CDCP2: variants seen among roughly 807,000 people sequenced by gnomAD.
CDCP2 encodes the protein CUB domain-containing protein 2.
Under a neutral mutation model 31.0 loss-of-function variants are expected in CDCP2, and 31 were observed. The ratio of observed to expected loss-of-function variants is 1.00; its 90% CI spans 0.75 to 1.35. The LOEUF (loss-of-function observed/expected upper bound fraction) is 1.35, where lower values mean the gene tolerates loss of function less well. CDCP2 is among the 40% of genes most tolerant of loss of function. The pLI, the probability that CDCP2 is intolerant of heterozygous loss-of-function variation, is 0.00. For missense variants in CDCP2, 443 were observed against 482.6 expected, an observed-to-expected ratio of 0.92 and a Z score of 0.77; for synonymous variants, 206 against 207.9, an observed-to-expected ratio of 0.99 and a Z score of 0.08.
Position 54,144,727 on chromosome 1 carries a change from AC to A in CDCP2, c.165del (p.Glu55AspfsTer5). 1.2e-6 allele frequency: 2 copies of A among 1,614,204 alleles called. No individual in the cohort carries two copies. The highest frequency in any genetic ancestry group is 2.2e-5 in the South Asian group (2 of 91,084). On this transcript the variant is annotated frameshift_variant, in exon 2 of 6. Coordinates refer to ENST00000530059, the Ensembl canonical transcript of CDCP2. LOFTEE classifies it high-confidence loss of function. The stretch of plus-strand genomic sequence containing the variant: ...TCGGCCACCACGATCAGCCAGCTGC[AC>A]TCTGTGTTGTAGGGGTACAGTCTAG...
At chr1:54,134,288 C>A (rs563323878) in intron 5 of CDCP2, among the ~76,000 whole-genome samples, 1 of 152,180 alleles carries the variant, frequency 6.6e-6, no homozygotes. Context: ...GGTATCCTGC[C>A]GTTGAGCCCC....
At chr1:54,140,941 GCAT>G (rs1482884800) in intron 3 of CDCP2, 154 bp downstream of exon 3, 4 of 546,916 alleles carry the variant, frequency 7.3e-6, no homozygotes, top group Non-Finnish European at 1.2e-5. Context: ...TTATGTCTTG[GCAT>G]AGGCCAAGGG....
At chr1:54,138,683 G>A (rs1472390465) in intron 4 of CDCP2, 3 of 152,204 alleles carry the variant, frequency 2.0e-5, no homozygotes, top group Non-Finnish European at 4.4e-5. Context: ...ATTTGGATGT[G>A]ACCCTGGTCT....
chr1:54,145,040 G>A (rs1321900867), intron 1 of CDCP2, among the ~76,000 whole-genome samples: 1 of 152,146 alleles, frequency 6.6e-6, no homozygotes, highest in Non-Finnish European at 1.5e-5. Flanking sequence ...CTAGGTGCTG[G>A]GGTCACAGCA....
At chr1:54,149,005 A>C (rs184501395) in intron 1 of CDCP2, among the ~76,000 whole-genome samples, 11 of 146,994 alleles carry the variant, frequency 7.5e-5, no homozygotes, top group Admixed American at 4.8e-4. Flanking sequence ...TAATATATTT[A>C]TTTTATATAT....
chr1:54,141,248 C>T, exon 3 of CDCP2: 3 of 1,614,174 alleles, frequency 1.9e-6, no homozygotes, highest in Non-Finnish European at 2.5e-6. Flanking sequence ...CCCCCAAGCA[C>T]AGCCACGTAG....
chr1:54,135,367 C>G (rs890634119), intron 5 of CDCP2, among the ~76,000 whole-genome samples: 1 of 152,142 alleles, frequency 6.6e-6, no homozygotes. Context: ...GCGTATCTTC[C>G]AAAGCAACTC....
At chr1:54,132,708 T>C (rs1659186349), downstream of CDCP2, 2 of 345,814 alleles carry the variant, frequency 5.8e-6, no homozygotes, top group Non-Finnish European at 1.0e-5. Context: ...AGAATATCTT[T>C]AAAATTAATA....
chr1:54,137,240 G>GA lies in CDCP2; in HGVS notation c.1118-433dup, dbSNP rs1177863731. 1.1e-4 allele frequency among the ~76,000 whole-genome samples: 16 copies of GA among 152,250 alleles called. No individual in the cohort carries two copies. In the East Asian group the frequency reaches 2.9e-3, roughly 28 times the overall value. ...TCAGCACCACAAATACAAAAATGAG[G>GA]AAAAAACACAGCTGAAATTCTTGCC... On this transcript the variant is annotated intron_variant, in intron 4 of 5. Coordinates refer to ENST00000530059, the Ensembl canonical transcript of CDCP2.
chr1:54,150,756 A>G (rs1659569160), intron 1 of CDCP2, among the ~76,000 whole-genome samples: 1 of 152,200 alleles, frequency 6.6e-6, no homozygotes, highest in Non-Finnish European at 1.5e-5. Flanking sequence ...CTCCCTGGTT[A>G]CAGAGCCAAT....
chr1:54,139,607 G>T, intron 4 of CDCP2, 146 bp downstream of exon 4: 2 of 1,612,146 alleles, frequency 1.2e-6, no homozygotes, highest in East Asian at 2.2e-5. Flanking sequence ...GTGGGCAAGG[G>T]TGTAGCCAAT....
Position 54,140,481 on chromosome 1 carries a change from C to T in CDCP2, c.764-375G>A, listed in dbSNP as rs188138852. ...GGCCTTTCCCCTTTTCTCACTGCCC[C>T]ATTTGGTATGTACTATGAGCATACC... On this transcript the variant is annotated intron_variant, in intron 3 of 5. Transcript: ENST00000530059. The T allele has an allele frequency of 1.9e-4, 66 of 350,710 alleles. 1 individual carries two copies. The highest frequency in any genetic ancestry group is 1.3e-3 in the African/African-American group (62 of 47,018). 21.7% of individuals were successfully genotyped at this position (350,710 alleles called of 1,614,324 possible).
At chr1:54,142,774 C>T (rs1659396279) in intron 2 of CDCP2, 1 of 152,186 alleles carries the variant, frequency 6.6e-6, no homozygotes, top group African/African-American at 2.4e-5. Context: ...AGATCCCTTC[C>T]AACACTAACA....
Position 54,141,436 on chromosome 1 carries a change from G to T in CDCP2, c.428-3C>A. On this transcript the variant is annotated splice_polypyrimidine_tract_variant and splice_region_variant and intron_variant, in intron 2 of 5. Transcript: ENST00000530059. ...AGTCAGGACGCCGCCACACACATCT[G>T]CAAGGGAGCCCACTTGAGCTGACCT... 6.3e-7 allele frequency: 1 copy of T among 1,593,234 alleles called. No homozygotes were observed. Among genetic ancestry groups the T allele is most frequent in the Non-Finnish European group, 8.6e-7 (1 of 1,168,646 alleles).
intron 5 of CDCP2, among the ~76,000 whole-genome samples, chr1:54,133,983 A>G (rs1659215570): frequency 6.6e-6 from 1 of 152,186 alleles, no homozygotes; most frequent in African/African-American, 2.4e-5. Flanking sequence ...GAGGTCACAC[A>G]GCATACAAGT....
At chr1:54,137,899 T>C (rs1173382868) in intron 4 of CDCP2, 1 of 146,630 alleles carries the variant, frequency 6.8e-6, no homozygotes, top group African/African-American at 2.5e-5. Context: ...ATCTCGGTGG[T>C]GCTGAACTGT....
chr1:54,144,331 C>T, intron 2 of CDCP2, 135 bp downstream of exon 2: 1 of 774,350 alleles, frequency 1.3e-6, no homozygotes, highest in Non-Finnish European at 2.0e-6. Flanking sequence ...CCATCTCCAC[C>T]CCAGGGCCAG....
At chr1:54,144,704 G>C in exon 2 of CDCP2, 1 of 1,614,176 alleles carries the variant, frequency 6.2e-7, no homozygotes, top group Non-Finnish European at 8.5e-7. Flanking sequence ...AGGATCCCTC[G>C]GCCACCACGA....
At chr1:54,136,802 G>A (rs931013553) in exon 5 of CDCP2, 2 of 399,174 alleles carry the variant, frequency 5.0e-6, no homozygotes, top group African/African-American at 4.1e-5. Context: ...CACGTTCATG[G>A]GCACCACTGG....
Sources: gnomAD v4.1 joint callset for allele counts (sites outside exome capture counted in the v4.1 genomes callset) on GRCh38, gnomAD v4.1.1 for gene constraint, MANE v1.5 for transcripts, NCBI Gene and HGNC (gene_info 2026-07-23, HGNC 2026-07-21) for gene names.